ITIH2: variants seen among roughly 807,000 people sequenced by gnomAD.
ITIH2 encodes inter-alpha-trypsin inhibitor heavy chain H2.
Under a neutral mutation model 104.4 loss-of-function variants are expected in ITIH2, and 103 were observed. That is an observed-to-expected ratio of 0.99 (90% CI 0.84 to 1.16). ITIH2 has a LOEUF of 1.16. Ranked by LOEUF, ITIH2 falls within the 50% of genes most tolerant of loss-of-function variation. The probability of loss-of-function intolerance (pLI) is 0.00; values close to 1 mark genes in which losing one functional copy is unlikely to be tolerated. For synonymous variants in ITIH2, 436 were observed against 435.4 expected (o/e 1.00, Z -0.02); for missense variants, 1,108 against 1,162.4 (o/e 0.95, Z 0.68).
In ITIH2 at chr10:7,721,682, C is replaced by A. The variant is rs530698071; in HGVS notation, c.772C>A (p.Gln258Lys). The A allele has an allele frequency of 2.8e-5, 45 of 1,613,716 alleles. No homozygotes were observed. The highest frequency in any genetic ancestry group is 5.0e-5 in the Admixed American group (3 of 60,014). ...CTCCTTCAAGCCCACGGTAGCACAG[C>A]AGAGAATATGCCCTAACTGCCGGGA... is the stretch of plus-strand genomic sequence containing the variant. The part of the protein sequence containing the change: ...HVSFKPTVAQ[Q>K]RICPNCRETA... Residue 258 changes from glutamine (Q) to lysine (K), a missense_variant, in exon 8 of 21, where the codon CAG becomes AAG. Physicochemically the swap from Gln to Lys is moderately conservative, Grantham distance 53 (BLOSUM62 1). Coordinates refer to ENST00000358415, the MANE Select transcript of ITIH2 (RefSeq NM_002216.3).
chr10:7,706,743 G>C (rs1270933496), intron 2 of ITIH2, among the ~76,000 whole-genome samples: 3 of 152,174 alleles, frequency 2.0e-5, no homozygotes, highest in Non-Finnish European at 4.4e-5. Flanking sequence ...CTGGAGCTGA[G>C]ATCTGAAGGG....
rs76086239 is a variant in ITIH2, at chr10:7,735,383, G to A, written c.1957+292G>A. Among the ~76,000 whole-genome samples the A allele has an allele frequency of 6.1e-3, 928 of 152,136 alleles. 4 individuals are homozygous for A. Among genetic ancestry groups the A allele is most frequent in the African/African-American group, 0.018 (743 of 41,490 alleles). On this transcript the variant is annotated intron_variant, in intron 15 of 20. Transcript: ENST00000358415. ...TTTATCTTAGCCTGGGCAACATAGCGAGACCCCATCTCTAAAGAAAAGTTT... is the reference window on the plus strand; with the variant it reads ...TTTATCTTAGCCTGGGCAACATAGCAAGACCCCATCTCTAAAGAAAAGTTT...
At chr10:7,719,327 G>A (rs1279408711) in intron 6 of ITIH2, among the ~76,000 whole-genome samples, 1 of 152,152 alleles carries the variant, frequency 6.6e-6, no homozygotes, top group Non-Finnish European at 1.5e-5. Flanking sequence ...CAAATGCAGC[G>A]CCATCCAGGG....
intron 6 of ITIH2, among the ~76,000 whole-genome samples, chr10:7,719,782 A>AAAAAAAAAAAAAAAAAAAAAAAAAC (rs754890159): frequency 7.3e-6 from 1 of 137,092 alleles, no homozygotes; most frequent in African/African-American, 2.9e-5. Flanking sequence ...AAAAAAAAAA[A>AAAAAAAAAAAAAAAAAAAAAAAAAC]AGAAAGAAAG....
chr10:7,715,997 G>A (rs944022420), intron 5 of ITIH2, among the ~76,000 whole-genome samples: 4 of 151,712 alleles, frequency 2.6e-5, no homozygotes, highest in African/African-American at 9.7e-5. Flanking sequence ...GGAGCAGCTG[G>A]GATTATAGGC....
At chr10:7,705,719 A>AG in intron 2 of ITIH2, among the ~76,000 whole-genome samples, 1 of 151,260 alleles carries the variant, frequency 6.6e-6, no homozygotes. Context: ...AAAAAAAAAA[A>AG]AGAATACATG....
rs532870768 is a variant in ITIH2, at chr10:7,737,611, A to T, written c.1958-1010A>T. Reference sequence around the variant, plus strand: ...CTATATTATATTCTATATTCTATAGAATATTCTATATTATATTCTATATTC... The same window carrying T: ...CTATATTATATTCTATATTCTATAGTATATTCTATATTATATTCTATATTC... On this transcript the variant is annotated intron_variant, in intron 15 of 20. Transcript: ENST00000358415. 2.0e-3 allele frequency among the ~76,000 whole-genome samples: 243 copies of T among 120,836 alleles called. 7 individuals carry two copies. Among genetic ancestry groups the T allele is most frequent in the African/African-American group, 8.0e-3 (227 of 28,246 alleles). The allele number at this position is 120,836 out of a possible 152,430, so 79.3% of individuals were successfully genotyped here.
chr10:7,735,140 C>CG, intron 15 of ITIH2, 49 bp downstream of exon 15: 3 of 1,523,194 alleles, frequency 2.0e-6, no homozygotes, highest in East Asian at 2.4e-5. Flanking sequence ...TCTCTTGCCC[C>CG]GGGGGTGGGC....
intron 20 of ITIH2, among the ~76,000 whole-genome samples, chr10:7,747,616 G>T (rs937436565): frequency 6.6e-6 from 1 of 152,172 alleles, no homozygotes; most frequent in Non-Finnish European, 1.5e-5. Context: ...GCCAGGCATG[G>T]TGGCTCATGC....
At chr10:7,707,174 G>A (rs1222078097) in intron 2 of ITIH2, 27 bp from the exon 3 acceptor site, 2 of 1,576,228 alleles carry the variant, frequency 1.3e-6, no homozygotes, top group Non-Finnish European at 1.7e-6. Flanking sequence ...TACAGTTGAA[G>A]AATGATTGTC....
chr10:7,744,427 A>G, intron 18 of ITIH2, 147 bp downstream of exon 18: 2 of 747,348 alleles, frequency 2.7e-6, no homozygotes, highest in Non-Finnish European at 2.1e-6. Context: ...CTCACTCCCT[A>G]CTCTGTTCCT....
At chr10:7,710,008 C>T (rs1229810222) in intron 4 of ITIH2, among the ~76,000 whole-genome samples, 1 of 152,168 alleles carries the variant, frequency 6.6e-6, no homozygotes, top group Non-Finnish European at 1.5e-5. Flanking sequence ...CACCCGCCAC[C>T]ATGCCTGGCT....
In ITIH2 at chr10:7,721,649, G is replaced by A. The variant is rs1564301230; in HGVS notation, c.739G>A (p.Ala247Thr). The A allele has an allele frequency of 6.2e-7, 1 of 1,613,464 alleles. No homozygotes were observed. Among genetic ancestry groups the A allele is most frequent in the Non-Finnish European group, 8.5e-7 (1 of 1,179,622 alleles). The change falls in exon 8 of 21, where the codon GCG (alanine) becomes ACG (threonine). Residue 247 changes from alanine to threonine, a missense_variant and splice_region_variant. Transcript: ENST00000358415. ...GCTCTGATGTCACCGTTCTTTCTAG[G>A]CGCACGTCTCCTTCAAGCCCACGGT... ...VPVISKGQQK[A>T]HVSFKPTVAQ... is the part of the protein sequence containing the mutation.
rs771398424 is a variant in ITIH2 at position 7,726,942 on chromosome 10, T to A, written c.985-8T>A. The A allele has an allele frequency of 6.3e-7, 1 of 1,594,900 alleles. No homozygotes were observed. The highest frequency in any genetic ancestry group is 8.5e-7 in the Non-Finnish European group (1 of 1,169,658). On this transcript the variant is annotated splice_polypyrimidine_tract_variant and splice_region_variant and intron_variant, in intron 9 of 20. Transcript: ENST00000358415. ...AATGGGACCTGTCTTTATTCTCTAT[T>A]GAAATAGACTGTGGAAGCAATGAAG...
chr10:7,711,102 C>T (rs887016998), intron 4 of ITIH2, among the ~76,000 whole-genome samples: 2 of 152,050 alleles, frequency 1.3e-5, no homozygotes, highest in Non-Finnish European at 2.9e-5. Flanking sequence ...CCCCTACCGC[C>T]CGACAGGACA....
intron 8 of ITIH2, among the ~76,000 whole-genome samples, chr10:7,722,247 T>G (rs1266364806): frequency 1.3e-5 from 2 of 152,298 alleles, no homozygotes; most frequent in Admixed American, 1.3e-4. Flanking sequence ...TCTTCCTTTC[T>G]TTGTACTAAG....
chr10:7,730,412 T>G (rs994078009), intron 12 of ITIH2, among the ~76,000 whole-genome samples: 1 of 152,214 alleles, frequency 6.6e-6, no homozygotes, highest in Non-Finnish European at 1.5e-5. Context: ...CAAAGCTCCT[T>G]GTAGCTCTCC....
At position 7,744,226 on chromosome 10, in the gene ITIH2, G is replaced by T; in HGVS notation, c.2354G>T (p.Gly785Val). 6.2e-7 allele frequency: 1 copy of T among 1,614,108 alleles called. No homozygotes were observed. Among genetic ancestry groups the T allele is most frequent in the African/African-American group, 1.3e-5 (1 of 75,022 alleles). The change falls in exon 18 of 21, where the codon GGT (glycine) becomes GTT (valine). Residue 785 changes from glycine to valine, a missense_variant. Transcript: ENST00000358415. ...ACTGAGACCATCACCCTGAGCCATG[G>T]TTCTAGCACATTCTCCTTGTCCTGG... ...ISTETITLSH[G>V]SSTFSLSWSD...
At chr10:7,748,740 T>G (rs986710077) in intron 20 of ITIH2, among the ~76,000 whole-genome samples, 1 of 151,202 alleles carries the variant, frequency 6.6e-6, no homozygotes, top group African/African-American at 2.4e-5. Flanking sequence ...GAGACAGGGT[T>G]TCACCATGTT....
Sources: gnomAD v4.1 joint callset for allele counts (sites outside exome capture counted in the v4.1 genomes callset) on GRCh38, gnomAD v4.1.1 for gene constraint, MANE v1.5 for transcripts, NCBI Gene and HGNC (gene_info 2026-07-23, HGNC 2026-07-21) for gene names.